FAM83A: variants seen among roughly 807,000 people sequenced by gnomAD.
The protein encoded by FAM83A is scaffolding CK1 anchoring protein A, also known as protein FAM83A.
A neutral mutation model predicts 24.4 loss-of-function variants in FAM83A; 21 were observed. That is an observed-to-expected ratio of 0.86 (90% CI 0.61 to 1.24). The LOEUF (loss-of-function observed/expected upper bound fraction) is 1.24, where lower values mean the gene tolerates loss of function less well. Among genes scored for constraint, FAM83A ranks in the 50% most tolerant of loss-of-function variants. FAM83A has a pLI of 0.00. For missense variants in FAM83A, 617 were observed against 579.8 expected (o/e 1.06, Z -0.66); for synonymous variants, 270 against 252.4 (o/e 1.07, Z -0.66).
In FAM83A at chr8:123,209,265, G is replaced by A. The variant is rs569490636; in HGVS notation, c.*1577G>A. The A allele has an allele frequency of 1.5e-4, 194 of 1,285,500 alleles. No homozygotes were observed. The highest frequency in any genetic ancestry group is 6.5e-4 in the South Asian group (25 of 38,538). 79.6% of individuals were successfully genotyped at this position (1,285,500 alleles called of 1,614,324 possible). ...CTCCTGGTGGCCTCTGACCCCTGAC[G>A]GCCTGTGGCATCCTCCCTAGTCCCC... On this transcript the variant is annotated 3_prime_UTR_variant, in exon 4 of 4. Transcript: ENST00000690554. This position sits in a 1 kb window ranked among gnomAD's most constrained non-coding sequence, Gnocchi z 4.7.
At chr8:123,189,457 AAG>A (rs1276509544) in intron 1 of FAM83A, among the ~76,000 whole-genome samples, 1 of 152,204 alleles carries the variant, frequency 6.6e-6, no homozygotes, top group African/African-American at 2.4e-5. Flanking sequence ...ATCTTGAAGA[AAG>A]GGAATGGCCG....
intron 1 of FAM83A, among the ~76,000 whole-genome samples, chr8:123,189,486 A>T (rs1313906319): frequency 6.6e-6 from 1 of 152,216 alleles, no homozygotes; most frequent in South Asian, 2.1e-4. Context: ...CTGTGAAAGG[A>T]AAGTATCTTT....
chr8:123,203,272 C>T (rs928339390), intron 3 of FAM83A, among the ~76,000 whole-genome samples: 13 of 149,494 alleles, frequency 8.7e-5, no homozygotes, highest in Non-Finnish European at 1.3e-4. Flanking sequence ...GACTATATTA[C>T]AATTAAGAAT....
At position 123,194,009 on chromosome 8, in the gene FAM83A, CT is replaced by C; in HGVS notation, c.649-12del. On this transcript the variant is annotated splice_polypyrimidine_tract_variant and intron_variant, in intron 2 of 3. Coordinates refer to ENST00000690554, the Ensembl canonical transcript of FAM83A. ...ACAGAATTAGGAAGTGACACCTTGA[CT>C]TTCCCTCCAACAGAACATTTCCATC... 2 of 1,613,986 alleles carry C rather than the reference CT, an allele frequency of 1.2e-6. No homozygotes were observed. The highest frequency in any genetic ancestry group is 1.7e-6 in the Non-Finnish European group (2 of 1,179,920).
At chr8:123,208,794 T>C (rs1824643997) in exon 4 of FAM83A, 11 of 950,718 alleles carry the variant, frequency 1.2e-5, no homozygotes, top group Non-Finnish European at 1.3e-5. Context: ...TCAGGTGGAT[T>C]ACCTGGTCTC....
intron 3 of FAM83A, among the ~76,000 whole-genome samples, chr8:123,197,819 A>G (rs1824211191): frequency 6.6e-6 from 1 of 152,176 alleles, no homozygotes; most frequent in Non-Finnish European, 1.5e-5. Context: ...AGTAGCCCCA[A>G]AGCACATGAT....
In FAM83A at chr8:123,209,071, C is replaced by T; in HGVS notation, c.*1383C>T. On this transcript the variant is annotated 3_prime_UTR_variant, in exon 4 of 4. Coordinates refer to ENST00000690554, the Ensembl canonical transcript of FAM83A. This position sits in a 1 kb window ranked among gnomAD's most constrained non-coding sequence, Gnocchi z 4.7. The stretch of plus-strand genomic sequence containing the variant: ...GATAAAGTAAGAGTTAACCCTGCAC[C>T]TCAGGTGTGATAGTGGGGTCAGTGG... 2.0e-6 allele frequency: 2 copies of T among 1,005,986 alleles called. No individual in the cohort carries two copies. Among genetic ancestry groups the T allele is most frequent in the Non-Finnish European group, 2.4e-6 (2 of 843,672 alleles). 62.3% of individuals were successfully genotyped at this position (1,005,986 alleles called of 1,614,324 possible).
chr8:123,201,947 T>C, intron 3 of FAM83A: 1 of 152,648 alleles, frequency 6.6e-6, no homozygotes, highest in Non-Finnish European at 1.5e-5. Flanking sequence ...TGCCATTGGC[T>C]GGAGTTGGGC....
intron 1 of FAM83A, among the ~76,000 whole-genome samples, chr8:123,190,043 T>C (rs1231183401): frequency 6.6e-6 from 1 of 152,042 alleles, no homozygotes; most frequent in African/African-American, 2.4e-5. Context: ...AAGATTATAA[T>C]GGAGCAGGTG....
chr8:123,206,263 G>A (rs535473639), intron 3 of FAM83A, among the ~76,000 whole-genome samples: 3 of 151,956 alleles, frequency 2.0e-5, no homozygotes, highest in African/African-American at 4.8e-5. Flanking sequence ...ACCACCCCTC[G>A]CCCCGACAGC....
intron 3 of FAM83A, among the ~76,000 whole-genome samples, chr8:123,197,396 G>A (rs1824193680): frequency 6.6e-6 from 1 of 152,208 alleles, no homozygotes; most frequent in Non-Finnish European, 1.5e-5. Context: ...CCTGTCTCAT[G>A]TAAATGGAAT....
exon 4 of FAM83A, chr8:123,207,205 C>T (rs768275935): frequency 1.2e-6 from 2 of 1,611,146 alleles, no homozygotes; most frequent in South Asian, 2.2e-5. Flanking sequence ...TCTCCAAGTT[C>T]ACAGGCCAGG....
At chr8:123,187,757 T>C (rs1442730111) in intron 1 of FAM83A, among the ~76,000 whole-genome samples, 1 of 152,156 alleles carries the variant, frequency 6.6e-6, no homozygotes, top group Non-Finnish European at 1.5e-5. Flanking sequence ...TTCAGGCAAG[T>C]CAGGGCCAGT....
At chr8:123,182,538 C>T (rs113019555), upstream of FAM83A, 33 of 549,286 alleles carry the variant, frequency 6.0e-5, no homozygotes, top group East Asian at 5.3e-4. Context: ...TTCGCCTCCC[C>T]CTGCGGCTGG....
intron 1 of FAM83A, among the ~76,000 whole-genome samples, chr8:123,188,406 G>C (rs1025398729): frequency 1.3e-5 from 2 of 151,986 alleles, no homozygotes; most frequent in African/African-American, 4.8e-5. Context: ...CACAATTCTG[G>C]TGTTTAGGGT....
At chr8:123,184,652 G>A (rs1337213262) in intron 1 of FAM83A, among the ~76,000 whole-genome samples, 1 of 152,068 alleles carries the variant, frequency 6.6e-6, no homozygotes, top group African/African-American at 2.4e-5. Context: ...TGAGCTCAGG[G>A]GTCTTGTTCA....
rs1047984992 is a variant in FAM83A, at chr8:123,209,321, C to T, written c.*1633C>T. 5 of 1,418,196 alleles carry T rather than the reference C, an allele frequency of 3.5e-6. No homozygotes were observed. The Admixed American group carries it at 8.4e-5, about 24-fold the overall frequency. The allele number at this position is 1,418,196 out of a possible 1,614,324, so 87.9% of individuals were successfully genotyped here. ...CCATCCATCCCTCTGTTCCAATTCT[C>T]CACTGCTCCCAGCATGATCTGGGGC... On this transcript the variant is annotated 3_prime_UTR_variant, in exon 4 of 4. Coordinates refer to ENST00000690554, the Ensembl canonical transcript of FAM83A. The surrounding 1 kb of genome is among the most constrained non-coding windows in gnomAD (Gnocchi z 4.7).
At chr8:123,187,707 G>A (rs1215487912) in intron 1 of FAM83A, among the ~76,000 whole-genome samples, 1 of 152,086 alleles carries the variant, frequency 6.6e-6, no homozygotes, top group African/African-American at 2.4e-5. Flanking sequence ...ATAATTTTTA[G>A]AGTGGAAGGG....
chr8:123,191,189 C>A (rs1458788290), intron 1 of FAM83A, among the ~76,000 whole-genome samples: 1 of 152,184 alleles, frequency 6.6e-6, no homozygotes, highest in Non-Finnish European at 1.5e-5. Flanking sequence ...AGGAGGAACA[C>A]AGATGTCTCT....
Sources: gnomAD v4.1 joint callset for allele counts (sites outside exome capture counted in the v4.1 genomes callset) on GRCh38, gnomAD v4.1.1 for gene constraint, Gnocchi (gnomAD v3.1) non-coding constraint, MANE v1.5 for transcripts, NCBI Gene and HGNC (gene_info 2026-07-23, HGNC 2026-07-21) for gene names.